The following INSR variants were observed in gnomAD, a reference collection of about 807,000 sequenced individuals.
The protein encoded by INSR is insulin receptor.
In INSR, 67 loss-of-function variants were observed where a neutral mutation model predicts 142.6. The observed-to-expected ratio is 0.47, with a 90% CI of 0.39 to 0.58. The LOEUF is 0.58. Among genes scored for constraint, INSR ranks in the 20% least tolerant of loss-of-function variants. The pLI is 0.00. For synonymous variants in INSR, 756 were observed against 743.1 expected, an observed-to-expected ratio of 1.02 and a Z score of -0.28; for missense variants, 1,248 against 1,833.2, an observed-to-expected ratio of 0.68 and a Z score of 5.83.
At chr19:7,231,264 T>C (rs764549171) in intron 2 of INSR, among the ~76,000 whole-genome samples, 1 of 151,192 alleles carries the variant, frequency 6.6e-6, no homozygotes, top group Non-Finnish European at 1.5e-5. Flanking sequence ...TTCAAACGCT[T>C]TGTGTTGTCT....
chr19:7,132,397 A>C, intron 13 of INSR, 80 bp from the exon 14 acceptor site: 1 of 1,500,980 alleles, frequency 6.7e-7, no homozygotes, highest in Non-Finnish European at 9.1e-7. Context: ...GGGAGCTCAC[A>C]GCCAGGATCC....
intron 2 of INSR, among the ~76,000 whole-genome samples, chr19:7,264,923 G>A (rs1967674509): frequency 6.6e-6 from 1 of 152,068 alleles, no homozygotes; most frequent in Admixed American, 6.6e-5. Context: ...GGGCTCCAAG[G>A]GAGTCCTCAC....
intron 5 of INSR, 64 bp downstream of exon 5, chr19:7,172,226 G>A (rs1974032044): frequency 6.3e-7 from 1 of 1,592,976 alleles, no homozygotes; most frequent in African/African-American, 1.3e-5. Context: ...AAATCCTTAA[G>A]TTGTTCTAAT....
intron 2 of INSR, among the ~76,000 whole-genome samples, chr19:7,190,874 A>G (rs2145007571): frequency 6.6e-6 from 1 of 152,354 alleles, no homozygotes; most frequent in Admixed American, 6.5e-5. Context: ...ACCATAAAAC[A>G]ATGATAAGTA....
At chr19:7,117,531 G>A (rs1340763047) in intron 21 of INSR, 121 bp from the exon 22 acceptor site, 1 of 678,346 alleles carries the variant, frequency 1.5e-6, no homozygotes, top group Non-Finnish European at 2.6e-6. Flanking sequence ...ATCAGATGCT[G>A]GCTGTGTGTG....
In INSR at chr19:7,119,960, A is replaced by AT. The variant is rs1972447842; in HGVS notation, c.3660-378_3660-377insA. On this transcript the variant is annotated intron_variant, in intron 20 of 21. Coordinates refer to ENST00000302850, the MANE Select transcript of INSR (RefSeq NM_000208.4). The surrounding 1 kb of genome is among the most constrained non-coding windows in gnomAD (Gnocchi z 5.2). ...TCTAGAACATGGTTAGCCACTTAAT[A>AT]AAACAATTCATGCTGCAGTTCATAA... is the stretch of plus-strand genomic sequence containing the variant. Among the ~76,000 whole-genome samples the AT allele has an allele frequency of 6.6e-6, 1 of 152,168 alleles. No homozygotes were observed. Among genetic ancestry groups the AT allele is most frequent in the South Asian group, 2.1e-4 (1 of 4,834 alleles).
At chr19:7,182,662 A>G (rs1392801173) in intron 3 of INSR, among the ~76,000 whole-genome samples, 1 of 152,120 alleles carries the variant, frequency 6.6e-6, no homozygotes, top group Non-Finnish European at 1.5e-5. Context: ...TGTGCGGTCA[A>G]TTTCTCAGGG....
chr19:7,246,722 AACT>A (rs1976546307), intron 2 of INSR, among the ~76,000 whole-genome samples: 1 of 152,242 alleles, frequency 6.6e-6, no homozygotes, highest in Non-Finnish European at 1.5e-5. Context: ...TACACAGCAA[AACT>A]AGCTGATACA....
At position 7,184,464 on chromosome 19, in the gene INSR, G is replaced by T. The variant is rs768465467; in HGVS notation, c.826C>A (p.Gln276Lys). Residue 276 changes from glutamine to lysine, a missense_variant, in exon 3 of 22, where the codon CAG becomes AAG. Around this residue, in one of 3 missense-constraint regions of INSR, gnomAD observed 1,069 missense variants for 1,654.0 expected, o/e 0.65. Transcript: ENST00000302850. ...CTGAAGTTCACACAGCGCCAGTCCT[G>T]GAAGTGGTAGTACGGGGGCGGGCAG... The part of the protein sequence containing the change: ...ETCPPPYYHF[Q>K]DWRCVNFSFC... 2.5e-6 allele frequency: 4 copies of T among 1,614,082 alleles called. No individual in the cohort carries two copies. In the South Asian group the frequency reaches 4.4e-5, roughly 18 times the overall value.
intron 14 of INSR, among the ~76,000 whole-genome samples, chr19:7,129,198 C>G (rs10423028): frequency 0.022 from 3,414 of 152,314 alleles, 140 homozygotes; most frequent in African/African-American, 0.077. Flanking sequence ...TTCCCCACCC[C>G]TGCCCCAAAT....
chr19:7,146,452 G>C (rs2144871111), intron 11 of INSR, among the ~76,000 whole-genome samples: 1 of 152,014 alleles, frequency 6.6e-6, no homozygotes, highest in East Asian at 1.9e-4. Flanking sequence ...ATGTTGACCA[G>C]AATGTTCTCA....
At chr19:7,236,496 A>G (rs1976162926) in intron 2 of INSR, among the ~76,000 whole-genome samples, 1 of 152,248 alleles carries the variant, frequency 6.6e-6, no homozygotes, top group Non-Finnish European at 1.5e-5. Context: ...GCTACTGAAC[A>G]ACACAAAAGA....
In INSR at chr19:7,119,893, CACAT is replaced by C. The variant is rs1160615150; in HGVS notation, c.3660-314_3660-311del. On this transcript the variant is annotated intron_variant, in intron 20 of 21. Coordinates refer to ENST00000302850, the MANE Select transcript of INSR (RefSeq NM_000208.4). The surrounding 1 kb of genome is among the most constrained non-coding windows in gnomAD (Gnocchi z 5.2). ...ACACACACAAACACACATATGCACA[CACAT>C]ACACACACAAACACACACACAAACA... Among the ~76,000 whole-genome samples, 2 of 151,934 alleles carry C rather than the reference CACAT, an allele frequency of 1.3e-5. No homozygotes were observed. The highest frequency in any genetic ancestry group is 2.4e-5 in the African/African-American group (1 of 41,324).
chr19:7,269,023 A>AACACACCC (rs1555690117), intron 1 of INSR, among the ~76,000 whole-genome samples: 11 of 106,028 alleles, frequency 1.0e-4, no homozygotes, highest in South Asian at 2.9e-4. Context: ...TCTCTCTGCC[A>AACACACCC]ACACACCCAC....
chr19:7,199,564 T>C (rs1385943092), intron 2 of INSR, among the ~76,000 whole-genome samples: 1 of 141,850 alleles, frequency 7.0e-6, no homozygotes, highest in East Asian at 2.1e-4. Flanking sequence ...CGACAGCTTT[T>C]TTTTTTTTTT....
At chr19:7,154,834 G>A (rs1973549222) in intron 9 of INSR, among the ~76,000 whole-genome samples, 1 of 151,948 alleles carries the variant, frequency 6.6e-6, no homozygotes, top group East Asian at 2.0e-4. Flanking sequence ...TGAGGCAGGA[G>A]GATTGTTTGA....
chr19:7,155,950 G>GAGA (rs1421771975), intron 9 of INSR, among the ~76,000 whole-genome samples: 1 of 149,740 alleles, frequency 6.7e-6, no homozygotes, highest in Non-Finnish European at 1.5e-5. Flanking sequence ...GAAGAAGGAG[G>GAGA]AGGAGAAGGA....
chr19:7,219,624 G>A (rs1975550723), intron 2 of INSR, among the ~76,000 whole-genome samples: 1 of 147,408 alleles, frequency 6.8e-6, no homozygotes, highest in Non-Finnish European at 1.5e-5. Flanking sequence ...GGGAAGGAGG[G>A]AGGGAAAGGA....
chr19:7,291,129 C>G (rs1038181311), intron 1 of INSR, among the ~76,000 whole-genome samples: 13 of 152,028 alleles, frequency 8.6e-5, no homozygotes, highest in African/African-American at 2.9e-4. Context: ...AGTTCTTTGC[C>G]CCTCCCCAAG....
Sources: allele counts gnomAD v4.1 joint callset (sites outside exome capture counted in the v4.1 genomes callset), GRCh38; gene constraint gnomAD v4.1.1; regional missense constraint gnomAD v4.1.1; non-coding constraint Gnocchi (gnomAD v3.1); transcripts MANE v1.5; gene names NCBI Gene and HGNC (gene_info 2026-07-23, HGNC 2026-07-21).